Variants in CTNNA3 observed in about 807,000 individuals in gnomAD.
CTNNA3 encodes the protein catenin alpha-3.
In CTNNA3, 76 loss-of-function variants were observed where a neutral mutation model predicts 95.7. The ratio of observed to expected loss-of-function variants is 0.79; its 90% CI spans 0.66 to 0.96. The LOEUF is 0.96. Among genes scored for constraint, CTNNA3 ranks in the 40% least tolerant of loss-of-function variants. The probability of loss-of-function intolerance (pLI) is 0.00; values close to 1 mark genes in which losing one functional copy is unlikely to be tolerated. For missense variants in CTNNA3, 1,191 were observed against 1,089.8 expected (o/e 1.09, Z -1.31); for synonymous variants, 431 against 374.4 (o/e 1.15, Z -1.74).
At chr10:67,644,555 T>G (rs1839645378) in intron 2 of CTNNA3, among the ~76,000 whole-genome samples, 1 of 152,068 alleles carries the variant, frequency 6.6e-6, no homozygotes, top group Non-Finnish European at 1.5e-5. Context: ...GGGTTATACA[T>G]GATCAAAGTG....
intron 9 of CTNNA3, among the ~76,000 whole-genome samples, chr10:66,646,826 T>C (rs7079101): frequency 0.66 from 100,639 of 151,888 alleles, 34,229 homozygotes; most frequent in East Asian, 0.95. Context: ...TAAAAGCATT[T>C]GTGACTGAAG....
At chr10:67,755,201 A>G (rs1468793062) in intron 1 of CTNNA3, among the ~76,000 whole-genome samples, 1 of 152,008 alleles carries the variant, frequency 6.6e-6, no homozygotes, top group Non-Finnish European at 1.5e-5. Flanking sequence ...TTTAAAAAAA[A>G]AAAAAGGTGA....
intron 5 of CTNNA3, among the ~76,000 whole-genome samples, chr10:67,463,063 C>T (rs1347542640): frequency 6.6e-6 from 1 of 151,676 alleles, no homozygotes; most frequent in Non-Finnish European, 1.5e-5. Context: ...ACCACCACAC[C>T]CGGCTAATTT....
intron 9 of CTNNA3, among the ~76,000 whole-genome samples, chr10:66,635,500 G>A (rs1845302897): frequency 6.6e-6 from 1 of 152,006 alleles, no homozygotes. Flanking sequence ...GAAAGAGAAG[G>A]GATTTTCTTA....
intron 16 of CTNNA3, among the ~76,000 whole-genome samples, chr10:65,981,706 G>A (rs115517926): frequency 8.4e-4 from 127 of 151,618 alleles, no homozygotes; most frequent in African/African-American, 2.6e-3. Context: ...TGCTTACAGT[G>A]AAATGATCTT....
At chr10:66,092,491 C>A (rs1443120594) in intron 14 of CTNNA3, among the ~76,000 whole-genome samples, 1 of 151,906 alleles carries the variant, frequency 6.6e-6, no homozygotes, top group African/African-American at 2.4e-5. Context: ...CACCAACATT[C>A]ACCTCCAAAA....
chr10:66,950,373 T>C (rs1848479919), intron 7 of CTNNA3, among the ~76,000 whole-genome samples: 1 of 152,064 alleles, frequency 6.6e-6, no homozygotes, highest in Non-Finnish European at 1.5e-5. Context: ...TTTTTTTGTA[T>C]CCTAAACATG....
intron 7 of CTNNA3, among the ~76,000 whole-genome samples, chr10:67,066,179 C>T (rs1015431322): frequency 6.7e-6 from 1 of 148,440 alleles, no homozygotes. Context: ...ACTGCTGTGC[C>T]CACTGAAGTC....
chr10:65,930,766 T>C (rs1279900531), intron 17 of CTNNA3, among the ~76,000 whole-genome samples: 1 of 152,146 alleles, frequency 6.6e-6, no homozygotes, highest in Admixed American at 6.5e-5. Context: ...AAAAAAAATA[T>C]GATAGAGGGA....
intron 7 of CTNNA3, among the ~76,000 whole-genome samples, chr10:67,157,213 T>C (rs979713467): frequency 2.0e-5 from 3 of 151,996 alleles, no homozygotes; most frequent in Admixed American, 2.0e-4. Context: ...ACTACACACA[T>C]GCAAACACAC....
At chr10:66,066,825 C>G (rs1227967777) in intron 15 of CTNNA3, among the ~76,000 whole-genome samples, 1 of 152,106 alleles carries the variant, frequency 6.6e-6, no homozygotes. Flanking sequence ...ATGAGAATAT[C>G]TATGCATCCA....
chr10:67,035,066 G>A (rs1279453431), intron 7 of CTNNA3, among the ~76,000 whole-genome samples: 3 of 152,188 alleles, frequency 2.0e-5, no homozygotes, highest in Non-Finnish European at 4.4e-5. Flanking sequence ...TATGAATACT[G>A]ATAGCTCCGC....
chr10:66,965,343 T>C (rs924861974), intron 7 of CTNNA3, among the ~76,000 whole-genome samples: 2 of 152,048 alleles, frequency 1.3e-5, no homozygotes, highest in African/African-American at 4.8e-5. Flanking sequence ...CAGACGATCT[T>C]GGCCAACATG....
At chr10:67,100,940 T>A (rs1478373367) in intron 7 of CTNNA3, among the ~76,000 whole-genome samples, 1 of 151,686 alleles carries the variant, frequency 6.6e-6, no homozygotes, top group African/African-American at 2.4e-5. Flanking sequence ...CTTCCAGAGA[T>A]AATGGATAGA....
intron 10 of CTNNA3, among the ~76,000 whole-genome samples, chr10:66,564,976 G>T (rs1467560427): frequency 6.6e-6 from 1 of 152,164 alleles, no homozygotes; most frequent in East Asian, 1.9e-4. Context: ...CCACTGGGCA[G>T]CTCTGCCTTT....
At chr10:66,667,892 GA>G (rs1282785833) in intron 9 of CTNNA3, among the ~76,000 whole-genome samples, 1 of 152,030 alleles carries the variant, frequency 6.6e-6, no homozygotes, top group Non-Finnish European at 1.5e-5. Flanking sequence ...TTTCAAAAAA[GA>G]TTATAAACTC....
intron 15 of CTNNA3, among the ~76,000 whole-genome samples, chr10:66,066,945 C>G (rs1589318246): frequency 6.6e-6 from 1 of 151,778 alleles, no homozygotes; most frequent in Non-Finnish European, 1.5e-5. Context: ...TTTAATCATC[C>G]CAATTTTTCT....
At chr10:67,387,478 G>A (rs1448110502) in intron 5 of CTNNA3, among the ~76,000 whole-genome samples, 1 of 152,174 alleles carries the variant, frequency 6.6e-6, no homozygotes. Flanking sequence ...CAGCGAGGCT[G>A]GGGGAGGGGC....
At chr10:66,732,604 T>C (rs2132669821) in intron 9 of CTNNA3, among the ~76,000 whole-genome samples, 1 of 152,160 alleles carries the variant, frequency 6.6e-6, no homozygotes, top group South Asian at 2.1e-4. Context: ...AAAAGCTCTT[T>C]ATAAAACCAT....
Sources: gnomAD v4.1 joint callset for allele counts (sites outside exome capture counted in the v4.1 genomes callset) on GRCh38, gnomAD v4.1.1 for gene constraint, MANE v1.5 for transcripts, NCBI Gene and HGNC (gene_info 2026-07-23, HGNC 2026-07-21) for gene names.